Variants in SMC6 observed in about 807,000 individuals in gnomAD.
SMC6 encodes structural maintenance of chromosomes 6.
SMC6 carries 79 observed loss-of-function variants against 142.2 expected under a neutral mutation model. That is an observed-to-expected ratio of 0.56 (90% CI 0.46 to 0.67). The LOEUF is 0.67. Among genes scored for constraint, SMC6 ranks in the 30% least tolerant of loss-of-function variants. The pLI is 0.00. For synonymous variants in SMC6, 411 were observed against 412.4 expected (o/e 1.00, Z 0.04); for missense variants, 1,072 against 1,284.0 (o/e 0.83, Z 2.52).
rs373748214 is a variant in SMC6, at chr2:17,731,888, G to A, written c.345-11C>T. 1.2e-5 allele frequency: 20 copies of A among 1,611,376 alleles called. No homozygotes were observed. The African/African-American group carries it at 2.4e-4, about 19-fold the overall frequency. On this transcript the variant is annotated splice_polypyrimidine_tract_variant and intron_variant, in intron 5 of 27. Transcript: ENST00000448223. Reference sequence around the variant, plus strand: ...GAGATATCTGCAGAGCTGAAAGAATGAGGTTGAGCTAAGTTACATGAAGAT... The same window carrying A: ...GAGATATCTGCAGAGCTGAAAGAATAAGGTTGAGCTAAGTTACATGAAGAT...
chr2:17,740,081 T>G (rs1432702205), intron 4 of SMC6, among the ~76,000 whole-genome samples: 1 of 152,132 alleles, frequency 6.6e-6, no homozygotes, highest in East Asian at 1.9e-4. Flanking sequence ...CTATTCTAAC[T>G]CTCTTTTCTT....
intron 23 of SMC6, among the ~76,000 whole-genome samples, chr2:17,684,620 T>TA (rs774785038): frequency 6.6e-6 from 1 of 152,186 alleles, no homozygotes; most frequent in African/African-American, 2.4e-5. Flanking sequence ...GTCCAGGAAT[T>TA]AGAGACCAGC....
At chr2:17,712,578 C>T (rs964242753) in intron 16 of SMC6, among the ~76,000 whole-genome samples, 8 of 152,140 alleles carry the variant, frequency 5.3e-5, no homozygotes, top group African/African-American at 1.9e-4. Context: ...ATACTCCTTA[C>T]GAGCTAGGCA....
Position 17,695,209 on chromosome 2 carries a change from A to G in SMC6, c.2621T>C (p.Leu874Ser). Residue 874 changes from leucine (L) to serine (S), a missense_variant, in exon 23 of 28, where the codon TTA (leucine) becomes TCA (serine). Physicochemically the swap from Leu to Ser is moderately radical, Grantham distance 145 (BLOSUM62 -2). This residue lies in a region of SMC6 where 994 missense variants were observed against 1,153.2 expected (regional missense o/e 0.86). Transcript: ENST00000448223. ...ATGTTCTGCCTGTATCTTCTGCCTT[A>G]ATCGATTAATTTCTTTGTCCAGAAT... ...ASILDKEINRLRQKIQAEHAS... is the reference protein window; with the variant it reads ...ASILDKEINRSRQKIQAEHAS... 1 of 1,613,680 alleles carries G rather than the reference A, an allele frequency of 6.2e-7. No individual in the cohort carries two copies. The highest frequency in any genetic ancestry group is 8.5e-7 in the Non-Finnish European group (1 of 1,179,826).
chr2:17,672,618 C>A (rs1666814680), intron 25 of SMC6, among the ~76,000 whole-genome samples: 1 of 152,162 alleles, frequency 6.6e-6, no homozygotes, highest in Non-Finnish European at 1.5e-5. Flanking sequence ...ATTTTAATCA[C>A]CCAAAATCAC....
At chr2:17,730,603 CTTTTT>C (rs397870131) in intron 7 of SMC6, among the ~76,000 whole-genome samples, 1 of 134,676 alleles carries the variant, frequency 7.4e-6, no homozygotes. Context: ...TTAATAAATT[CTTTTT>C]TTTTTTTTTT....
intron 11 of SMC6, among the ~76,000 whole-genome samples, chr2:17,720,210 G>GA (rs1163393778): frequency 6.6e-6 from 1 of 152,174 alleles, no homozygotes; most frequent in African/African-American, 2.4e-5. Context: ...GTTCAAAACA[G>GA]AAAGAGTGAG....
intron 27 of SMC6, 116 bp from the exon 28 acceptor site, chr2:17,665,729 A>AT: frequency 2.0e-6 from 1 of 499,980 alleles, no homozygotes; most frequent in Non-Finnish European, 3.5e-6. Context: ...TATCTGGGAT[A>AT]TATCTAATAT....
At chr2:17,748,742 T>C (rs986480985) in intron 2 of SMC6, among the ~76,000 whole-genome samples, 2 of 152,200 alleles carry the variant, frequency 1.3e-5, no homozygotes, top group Admixed American at 1.3e-4. Context: ...ACAGAAAGCA[T>C]TACTTTTTGG....
intron 19 of SMC6, 41 bp downstream of exon 19, chr2:17,703,116 T>TG: frequency 1.6e-6 from 2 of 1,230,362 alleles, no homozygotes; most frequent in Non-Finnish European, 1.1e-6. Flanking sequence ...AGTAGTAAGT[T>TG]GAAAAAAACA....
At position 17,665,194 on chromosome 2, in the gene SMC6, A is replaced by G. The variant is rs1476972131; in HGVS notation, c.*305T>C. The G allele has an allele frequency of 5.5e-6, 1 of 183,042 alleles. No individual in the cohort carries two copies. The highest frequency in any genetic ancestry group is 2.3e-5 in the African/African-American group (1 of 42,726). The allele number at this position is 183,042 out of a possible 1,614,324, so 11.3% of individuals were successfully genotyped here. A position where few individuals can be genotyped will look rare whatever the true frequency, so the allele number is the denominator to read the frequency against. On this transcript the variant is annotated 3_prime_UTR_variant, in exon 28 of 28. Transcript: ENST00000448223. ...GAACCCAAACTAAACAGATATGTAC[A>G]TGTATATATGTACAAAATTTTACTT...
chr2:17,749,085 G>A (rs1471445939), intron 2 of SMC6, among the ~76,000 whole-genome samples: 1 of 152,124 alleles, frequency 6.6e-6, no homozygotes, highest in African/African-American at 2.4e-5. Flanking sequence ...ATTTAATGAT[G>A]ATGGATTTTC....
At chr2:17,752,601 C>T (rs1671102169) in intron 2 of SMC6, among the ~76,000 whole-genome samples, 1 of 152,104 alleles carries the variant, frequency 6.6e-6, no homozygotes, top group South Asian at 2.1e-4. Context: ...TGTACTTGCA[C>T]CCATTAAGCA....
chr2:17,707,357 A>G lies in SMC6; in HGVS notation c.1868T>C (p.Val623Ala), dbSNP rs760801745. The change falls in exon 18 of 28, where the codon GTA becomes GCA. Residue 623 changes from valine (V) to alanine (A), a missense_variant. Coordinates refer to ENST00000448223, the MANE Select transcript of SMC6 (RefSeq NM_001142286.2). Reference protein sequence around the residue: ...LIKNNSVARAVMQSQKPPKNC... With the variant: ...LIKNNSVARAAMQSQKPPKNC... ...TTTGGGTGGCTTTTGGGACTGCATT[A>G]CTGCACGAGCTACAGAATTATTCTA... is the stretch of plus-strand genomic sequence containing the variant. 1.9e-6 allele frequency: 3 copies of G among 1,569,402 alleles called. No homozygotes were observed. Among genetic ancestry groups the G allele is most frequent in the South Asian group, 2.4e-5 (2 of 82,040 alleles).
At chr2:17,731,684 TTC>T in intron 6 of SMC6, 55 bp downstream of exon 6, 6 of 1,543,104 alleles carry the variant, frequency 3.9e-6, no homozygotes, top group African/African-American at 2.7e-5. Context: ...AGTCATCTAA[TTC>T]TTTTTGAGTA....
At chr2:17,744,414 T>C (rs933389661) in intron 3 of SMC6, among the ~76,000 whole-genome samples, 4 of 152,212 alleles carry the variant, frequency 2.6e-5, no homozygotes, top group African/African-American at 9.6e-5. Flanking sequence ...AAAAATACCT[T>C]ATCCTATAAC....
intron 23 of SMC6, among the ~76,000 whole-genome samples, chr2:17,685,333 C>T (rs566959123): frequency 1.3e-4 from 20 of 152,074 alleles, no homozygotes; most frequent in African/African-American, 4.8e-4. Flanking sequence ...TGAATTCTAA[C>T]ATTCTGGATA....
chr2:17,674,710 T>C (rs557703335), intron 25 of SMC6, among the ~76,000 whole-genome samples: 50 of 152,282 alleles, frequency 3.3e-4, no homozygotes, highest in Admixed American at 8.5e-4. Flanking sequence ...TTTGAAGCTA[T>C]GTTATTAGGT....
chr2:17,724,048 A>G (rs1669499740), intron 9 of SMC6, among the ~76,000 whole-genome samples: 1 of 152,194 alleles, frequency 6.6e-6, no homozygotes, highest in Non-Finnish European at 1.5e-5. Context: ...TATACCATGG[A>G]GAAAATAAGT....
Sources: allele counts gnomAD v4.1 joint callset (sites outside exome capture counted in the v4.1 genomes callset), GRCh38; gene constraint gnomAD v4.1.1; regional missense constraint gnomAD v4.1.1; transcripts MANE v1.5; gene names NCBI Gene and HGNC (gene_info 2026-07-23, HGNC 2026-07-21).